Variants in KPNA3 observed in about 807,000 individuals in gnomAD.
The protein encoded by KPNA3 is importin subunit alpha-4.
A neutral mutation model predicts 73.8 loss-of-function variants in KPNA3; 13 were observed. The ratio of observed to expected loss-of-function variants is 0.18; its 90% CI spans 0.11 to 0.28. The LOEUF is 0.28. KPNA3 is among the 10% of genes least tolerant of loss of function. The pLI, the probability that KPNA3 is intolerant of heterozygous loss-of-function variation, is 1.00. For missense variants in KPNA3, 360 were observed against 618.1 expected, an observed-to-expected ratio of 0.58 and a Z score of 4.43; for synonymous variants, 186 against 206.9, an observed-to-expected ratio of 0.90 and a Z score of 0.87.
chr13:49,760,852 G>A (rs1954752785), intron 1 of KPNA3, among the ~76,000 whole-genome samples: 1 of 152,190 alleles, frequency 6.6e-6, no homozygotes, highest in South Asian at 2.1e-4. Context: ...AATAAGCTGG[G>A]GCCCAGATGG....
intron 2 of KPNA3, among the ~76,000 whole-genome samples, chr13:49,734,896 A>AC (rs1954505288): frequency 7.7e-6 from 1 of 129,418 alleles, no homozygotes; most frequent in Non-Finnish European, 1.6e-5. Context: ...GCAAATTTTG[A>AC]CTTTATATAT....
At chr13:49,726,650 G>A (rs1424158176) in intron 6 of KPNA3, among the ~76,000 whole-genome samples, 1 of 152,170 alleles carries the variant, frequency 6.6e-6, no homozygotes, top group East Asian at 1.9e-4. Context: ...TGATATAGGA[G>A]AGACCTATTA....
chr13:49,773,399 A>C (rs1478246625), intron 1 of KPNA3, among the ~76,000 whole-genome samples: 1 of 152,226 alleles, frequency 6.6e-6, no homozygotes, highest in African/African-American at 2.4e-5. Flanking sequence ...AATTATTTGA[A>C]GTCCTTTCTA....
chr13:49,727,459 A>G (rs1466451628), intron 6 of KPNA3, among the ~76,000 whole-genome samples: 3 of 151,770 alleles, frequency 2.0e-5, no homozygotes, highest in African/African-American at 7.2e-5. Context: ...AAAAAAAAAA[A>G]AAAAGAAAGA....
intron 1 of KPNA3, among the ~76,000 whole-genome samples, chr13:49,783,140 T>C (rs919574840): frequency 2.0e-5 from 3 of 152,076 alleles, no homozygotes; most frequent in African/African-American, 7.2e-5. Flanking sequence ...TCCATATGCA[T>C]AATGGTGATT....
intron 1 of KPNA3, among the ~76,000 whole-genome samples, chr13:49,791,919 C>G (rs556383339): frequency 2.0e-5 from 3 of 152,250 alleles, no homozygotes; most frequent in South Asian, 2.1e-4. Flanking sequence ...TCCCCACCCC[C>G]CTCTGCGGGC....
At chr13:49,792,174 C>A (rs1208832557) in intron 1 of KPNA3, among the ~76,000 whole-genome samples, 1 of 152,036 alleles carries the variant, frequency 6.6e-6, no homozygotes, top group Non-Finnish European at 1.5e-5. Context: ...CCCCTCCTCG[C>A]CGACACCAGG....
intron 1 of KPNA3, among the ~76,000 whole-genome samples, chr13:49,767,961 CTAT>C (rs758713534): frequency 6.6e-6 from 1 of 152,270 alleles, no homozygotes; most frequent in Non-Finnish European, 1.5e-5. Flanking sequence ...GTACATATCA[CTAT>C]TATATTTTTT....
chr13:49,720,387 G>A (rs1319685599), intron 9 of KPNA3, among the ~76,000 whole-genome samples: 1 of 152,192 alleles, frequency 6.6e-6, no homozygotes, highest in African/African-American at 2.4e-5. Context: ...GGAGCAGGGG[G>A]TTGTAGGAAA....
chr13:49,713,790 GCCT>G (rs1325323804), intron 10 of KPNA3, among the ~76,000 whole-genome samples: 11 of 152,170 alleles, frequency 7.2e-5, no homozygotes, highest in Admixed American at 7.2e-4. Context: ...TGCAATCTCT[GCCT>G]CCTAAGTTCA....
intron 2 of KPNA3, among the ~76,000 whole-genome samples, 170 bp downstream of exon 2, chr13:49,746,779 C>A (rs1243595346): frequency 6.6e-6 from 1 of 152,066 alleles, no homozygotes; most frequent in African/African-American, 2.4e-5. Context: ...GGGCCTAGTA[C>A]CCTCAGTAAA....
chr13:49,776,917 A>T (rs1053497359), intron 1 of KPNA3, among the ~76,000 whole-genome samples: 12 of 152,248 alleles, frequency 7.9e-5, no homozygotes, highest in African/African-American at 2.9e-4. Flanking sequence ...TTATAAAAAG[A>T]TACTAACTGT....
At chr13:49,708,797 T>C (rs1179292490) in intron 12 of KPNA3, among the ~76,000 whole-genome samples, 1 of 152,222 alleles carries the variant, frequency 6.6e-6, no homozygotes, top group African/African-American at 2.4e-5. Flanking sequence ...TACTAGTAAG[T>C]ACATATTACA....
intron 1 of KPNA3, among the ~76,000 whole-genome samples, chr13:49,758,566 T>A (rs779433041): frequency 2.6e-5 from 4 of 152,158 alleles, no homozygotes; most frequent in Non-Finnish European, 5.9e-5. Flanking sequence ...CATATTCTAT[T>A]ATTCCTGGTG....
intron 7 of KPNA3, among the ~76,000 whole-genome samples, chr13:49,723,551 A>G (rs1954379829): frequency 1.3e-5 from 2 of 150,360 alleles, no homozygotes; most frequent in Admixed American, 1.3e-4. Context: ...CCTGGGTGAC[A>G]GAGCAAGACT....
intron 9 of KPNA3, among the ~76,000 whole-genome samples, chr13:49,720,797 T>A (rs1328932564): frequency 1.3e-5 from 2 of 151,624 alleles, no homozygotes; most frequent in African/African-American, 4.8e-5. Context: ...GATTTTTTTT[T>A]AAAATGCAAA....
chr13:49,762,821 G>A (rs1399794107), intron 1 of KPNA3, among the ~76,000 whole-genome samples: 4 of 150,738 alleles, frequency 2.7e-5, no homozygotes, highest in African/African-American at 9.8e-5. Flanking sequence ...CTATGACCCT[G>A]CCAAATCCCC....
At chr13:49,770,501 C>T (rs924722297) in intron 1 of KPNA3, among the ~76,000 whole-genome samples, 1 of 151,852 alleles carries the variant, frequency 6.6e-6, no homozygotes, top group Non-Finnish European at 1.5e-5. Flanking sequence ...TCCTTGATGG[C>T]GTATTTTGAA....
At chr13:49,756,026 G>A (rs572134666) in intron 1 of KPNA3, among the ~76,000 whole-genome samples, 193 of 152,316 alleles carry the variant, frequency 1.3e-3, no homozygotes, top group African/African-American at 4.3e-3. Context: ...CCAGCACTTC[G>A]GGAGGCCGAG....
Sources: gnomAD v4.1 joint callset for allele counts (sites outside exome capture counted in the v4.1 genomes callset) on GRCh38, gnomAD v4.1.1 for gene constraint, MANE v1.5 for transcripts, NCBI Gene and HGNC (gene_info 2026-07-23, HGNC 2026-07-21) for gene names.